Variants in FDX1 observed in about 807,000 individuals in gnomAD.
The protein encoded by FDX1 is adrenodoxin, mitochondrial.
In FDX1, 9 loss-of-function variants were observed where a neutral mutation model predicts 14.9. That is an observed-to-expected ratio of 0.60 (90% CI 0.36 to 1.05). FDX1 has a LOEUF of 1.05. Ranked by LOEUF, FDX1 falls within the 50% of genes least tolerant of loss-of-function variation. The pLI is 0.01. For synonymous variants in FDX1, 92 were observed against 99.4 expected, an observed-to-expected ratio of 0.93 and a Z score of 0.44; for missense variants, 204 against 237.2, an observed-to-expected ratio of 0.86 and a Z score of 0.92.
chr11:110,442,195 G>T (rs779548199), intron 2 of FDX1, among the ~76,000 whole-genome samples: 25 of 152,216 alleles, frequency 1.6e-4, no homozygotes, highest in Non-Finnish European at 3.4e-4. Flanking sequence ...GAGAACTTCT[G>T]CTAGGGCAGT....
At chr11:110,447,970 G>A (rs1209762477) in intron 2 of FDX1, among the ~76,000 whole-genome samples, 1 of 152,180 alleles carries the variant, frequency 6.6e-6, no homozygotes, top group Non-Finnish European at 1.5e-5. Flanking sequence ...AGTAATAAGT[G>A]AACACATGAA....
intron 2 of FDX1, among the ~76,000 whole-genome samples, chr11:110,455,896 T>G (rs766592166): frequency 6.6e-6 from 1 of 152,214 alleles, no homozygotes; most frequent in Non-Finnish European, 1.5e-5. Flanking sequence ...GGCTGACTTA[T>G]GTGGTGTCGG....
chr11:110,460,279 C>G (rs1174273960), intron 3 of FDX1, among the ~76,000 whole-genome samples: 1 of 152,180 alleles, frequency 6.6e-6, no homozygotes, highest in Non-Finnish European at 1.5e-5. Flanking sequence ...TCCAAAACTT[C>G]CTGGTGGTTC....
intron 2 of FDX1, among the ~76,000 whole-genome samples, chr11:110,448,886 C>A (rs1489789104): frequency 1.3e-5 from 2 of 152,166 alleles, no homozygotes; most frequent in Admixed American, 6.5e-5. Context: ...TTTGTTACTG[C>A]AGCTAAAGAT....
At position 110,464,130 on chromosome 11, in the gene FDX1, C is replaced by G. The variant is rs1555070725; in HGVS notation, c.*1662C>G. 6.6e-6 allele frequency: 1 copy of G among 152,092 alleles called. No individual in the cohort carries two copies. Among genetic ancestry groups the G allele is most frequent in the Non-Finnish European group, 1.5e-5 (1 of 68,046 alleles). 9.4% of individuals were successfully genotyped at this position (152,092 alleles called of 1,614,324 possible). On this transcript the variant is annotated 3_prime_UTR_variant, in exon 4 of 4. Transcript: ENST00000260270. Reference sequence around the variant, plus strand: ...GTTTTACCACGTTGCCCAGGCTGGTCTTGAACTTTTGAGCTCGAGTGATCC... The same window carrying G: ...GTTTTACCACGTTGCCCAGGCTGGTGTTGAACTTTTGAGCTCGAGTGATCC...
chr11:110,434,728 T>C (rs1393547978), intron 1 of FDX1, among the ~76,000 whole-genome samples: 1 of 126,554 alleles, frequency 7.9e-6, no homozygotes, highest in Non-Finnish European at 1.6e-5. Context: ...TTTTTTTGTT[T>C]TTTTTTTTTT....
intron 2 of FDX1, among the ~76,000 whole-genome samples, chr11:110,447,244 A>T (rs1378648922): frequency 6.9e-6 from 1 of 145,856 alleles, no homozygotes; most frequent in East Asian, 2.0e-4. Context: ...CCTGGCCAAC[A>T]TAATGAAACC....
rs2134696281 is a variant in FDX1 at position 110,462,688 on chromosome 11, G to A, written c.*220G>A. 6.1e-6 allele frequency: 2 copies of A among 329,564 alleles called. No homozygotes were observed. Among genetic ancestry groups the A allele is most frequent in the East Asian group, 4.9e-5 (1 of 20,362 alleles). 20.4% of individuals were successfully genotyped at this position (329,564 alleles called of 1,614,324 possible). Reference sequence around the variant, plus strand: ...AATGTCAATCAAATATTAAAAAATAGTTAATGTGATAGAAAAACCTTACAT... The same window carrying A: ...AATGTCAATCAAATATTAAAAAATAATTAATGTGATAGAAAAACCTTACAT... On this transcript the variant is annotated 3_prime_UTR_variant, in exon 4 of 4. Transcript: ENST00000260270.
At chr11:110,450,066 A>G (rs920703166) in intron 2 of FDX1, among the ~76,000 whole-genome samples, 4 of 151,882 alleles carry the variant, frequency 2.6e-5, no homozygotes, top group Non-Finnish European at 5.9e-5. Context: ...GTGGCCCCCA[A>G]CCTTTTTGGC....
intron 2 of FDX1, among the ~76,000 whole-genome samples, chr11:110,448,077 G>A (rs550362535): frequency 6.6e-6 from 1 of 152,208 alleles, no homozygotes; most frequent in Non-Finnish European, 1.5e-5. Context: ...GATGATGCAG[G>A]TACCTGTTTT....
At chr11:110,436,483 A>G (rs1271113204) in intron 2 of FDX1, among the ~76,000 whole-genome samples, 1 of 152,102 alleles carries the variant, frequency 6.6e-6, no homozygotes, top group Non-Finnish European at 1.5e-5. Flanking sequence ...TTGTTCAAGC[A>G]ATGCATGTTT....
intron 2 of FDX1, among the ~76,000 whole-genome samples, chr11:110,440,997 T>C (rs1185148709): frequency 3.3e-5 from 5 of 152,206 alleles, no homozygotes; most frequent in Non-Finnish European, 5.9e-5. Context: ...GTCTTTCTTA[T>C]GCTGTTCTTG....
At chr11:110,453,909 A>G (rs1946503493) in intron 2 of FDX1, among the ~76,000 whole-genome samples, 1 of 152,172 alleles carries the variant, frequency 6.6e-6, no homozygotes, top group Non-Finnish European at 1.5e-5. Context: ...GGCTGGTTTC[A>G]TTCTGAGTCT....
intron 3 of FDX1, among the ~76,000 whole-genome samples, chr11:110,457,705 CTAGTT>C (rs1946530933): frequency 6.6e-6 from 1 of 151,914 alleles, no homozygotes; most frequent in Non-Finnish European, 1.5e-5. Flanking sequence ...TTGTTTAACT[CTAGTT>C]TGGTGACCTT....
intron 3 of FDX1, among the ~76,000 whole-genome samples, chr11:110,461,990 T>A (rs1032036334): frequency 6.6e-6 from 1 of 152,266 alleles, no homozygotes; most frequent in South Asian, 2.1e-4. Flanking sequence ...TAGGAATTGA[T>A]TAATCATTTT....
At chr11:110,451,276 C>T (rs1253995862) in intron 2 of FDX1, among the ~76,000 whole-genome samples, 4 of 152,182 alleles carry the variant, frequency 2.6e-5, no homozygotes, top group Non-Finnish European at 5.9e-5. Flanking sequence ...CCTATTTCTT[C>T]ACAACTGACT....
At chr11:110,443,302 G>A (rs34335127) in intron 2 of FDX1, among the ~76,000 whole-genome samples, 45,815 of 150,936 alleles carry the variant, frequency 0.3, 7,181 homozygotes, top group East Asian at 0.38. Context: ...GTAGGAAAAT[G>A]TCTCAAGTTT....
In FDX1 at chr11:110,443,102, C is replaced by CT. The variant is rs1287141406; in HGVS notation, c.310+7149dup. Among the ~76,000 whole-genome samples the CT allele has an allele frequency of 2.0e-5, 3 of 152,284 alleles. No homozygotes were observed. In the East Asian group the frequency reaches 5.8e-4, roughly 29 times the overall value. On this transcript the variant is annotated intron_variant, in intron 2 of 3. Coordinates refer to ENST00000260270, the MANE Select transcript of FDX1 (RefSeq NM_004109.5). ...TGTGGAACTGTAAGTTCATTAAACC[C>CT]TTTTTCCTGTATAAATTACCCAGTT...
chr11:110,435,577 G>A (rs761182980), intron 1 of FDX1, among the ~76,000 whole-genome samples: 15 of 152,178 alleles, frequency 9.9e-5, no homozygotes, highest in Non-Finnish European at 1.9e-4. Context: ...GCTAGGCATG[G>A]TGGCTCAGGC....
Sources: allele counts gnomAD v4.1 joint callset (sites outside exome capture counted in the v4.1 genomes callset), GRCh38; gene constraint gnomAD v4.1.1; transcripts MANE v1.5; gene names NCBI Gene and HGNC (gene_info 2026-07-23, HGNC 2026-07-21).